AMZ1: variants seen among roughly 807,000 people sequenced by gnomAD.
AMZ1 encodes the protein archaelysin family metallopeptidase 1.
A neutral mutation model predicts 29.9 loss-of-function variants in AMZ1; 39 were observed. The ratio of observed to expected loss-of-function variants is 1.30; its 90% CI spans 1.01 to 1.70. AMZ1 has a LOEUF of 1.70. Ranked by LOEUF, AMZ1 falls within the 40% of genes most tolerant of loss-of-function variation. The pLI is 0.00. For missense variants in AMZ1, 1,041 were observed against 680.6 expected (o/e 1.53, Z -5.89); for synonymous variants, 458 against 304.0 (o/e 1.51, Z -5.27).
At chr7:2,753,391 T>TCCTCCTGCTTTGG (rs59648923) in intron 4 of AMZ1, among the ~76,000 whole-genome samples, 86,947 of 151,844 alleles carry the variant, frequency 0.57, 25,173 homozygotes, top group Admixed American at 0.63. Context: ...GCTCAAGCCA[T>TCCTCCTGCTTTGG]CCTCCCAAAG....
chr7:2,708,194 T>C (rs1788483700), intron 3 of AMZ1, among the ~76,000 whole-genome samples: 1 of 152,128 alleles, frequency 6.6e-6, no homozygotes, highest in Admixed American at 6.5e-5. Flanking sequence ...CCCAAGATCT[T>C]TAATCATCTG....
chr7:2,715,896 GAC>G lies in AMZ1; in HGVS notation c.*3024_*3025del, dbSNP rs1789094652. ...TAAATTTAGAGATGATGGTTTCCAAGACACACAGGGCCACGGTTCTTTCAGTT... is the reference window on the plus strand; with the variant it reads ...TAAATTTAGAGATGATGGTTTCCAAGACACAGGGCCACGGTTCTTTCAGTT... On this transcript the variant is annotated 3_prime_UTR_variant, in exon 7 of 7. Coordinates refer to ENST00000683327, the MANE Select transcript of AMZ1 (RefSeq NM_001384743.1). 6.9e-6 allele frequency: 1 copy of G among 144,642 alleles called. No homozygotes were observed. The highest frequency in any genetic ancestry group is 2.7e-5 in the African/African-American group (1 of 37,440). 9.0% of individuals were successfully genotyped at this position (144,642 alleles called of 1,614,324 possible).
At chr7:2,743,899 C>A (rs1715609807) in intron 4 of AMZ1, among the ~76,000 whole-genome samples, 1 of 152,004 alleles carries the variant, frequency 6.6e-6, no homozygotes, top group South Asian at 2.1e-4. Context: ...GAGGGTCCTA[C>A]ACCCAAGGAG....
At chr7:2,722,418 G>A (rs968267718), downstream of AMZ1, among the ~76,000 whole-genome samples, 1 of 151,928 alleles carries the variant, frequency 6.6e-6, no homozygotes, top group South Asian at 2.1e-4. Flanking sequence ...GACTACAGGC[G>A]CCCGCCACCA....
chr7:2,734,339 A>G (rs571721458), intron 4 of AMZ1, among the ~76,000 whole-genome samples: 11 of 152,250 alleles, frequency 7.2e-5, no homozygotes, highest in Admixed American at 5.9e-4. Flanking sequence ...CACTTTCTAT[A>G]AGATTCCACT....
chr7:2,757,943 A>T (rs1791382048), intron 4 of AMZ1, among the ~76,000 whole-genome samples: 1 of 152,178 alleles, frequency 6.6e-6, no homozygotes, highest in Non-Finnish European at 1.5e-5. Flanking sequence ...AATAGCAATA[A>T]TAAGGAATGA....
At chr7:2,729,463 C>A (rs919286238) in intron 4 of AMZ1, 1 of 152,470 alleles carries the variant, frequency 6.6e-6, no homozygotes, top group African/African-American at 2.4e-5. Context: ...AGCCACAAGC[C>A]CAGCAAACAC....
At chr7:2,710,495 C>G (rs10229934) in intron 6 of AMZ1, among the ~76,000 whole-genome samples, 1 of 152,048 alleles carries the variant, frequency 6.6e-6, no homozygotes, top group Admixed American at 6.5e-5. Flanking sequence ...ATCCTCCTCC[C>G]GCCCGTTGAG....
Position 2,702,902 on chromosome 7 carries a change from G to A in AMZ1, c.472+13G>A, listed in dbSNP as rs777924880. On this transcript the variant is annotated intron_variant, in intron 3 of 6. Transcript: ENST00000683327. ...CAGCTCCACACAGGTGAGTGAGGAC[G>A]GCAGCCGCCGCTCAGGCCAAGGCAG... 3.4e-5 allele frequency: 53 copies of A among 1,571,392 alleles called. No individual in the cohort carries two copies. Among genetic ancestry groups the A allele is most frequent in the East Asian group, 7.0e-5 (3 of 42,870 alleles).
rs566843961 is a variant in AMZ1 at position 2,701,720 on chromosome 7, A to T, written c.304+965A>T. On this transcript the variant is annotated intron_variant, in intron 2 of 6. Transcript: ENST00000683327. ...TGACCAGCGCACCACGCCTTTCGGC[A>T]TCTCGACAGCAAGCCAGAACAGGGC... Among the ~76,000 whole-genome samples, 67 of 152,276 alleles carry T rather than the reference A, an allele frequency of 4.4e-4. 1 individual carries two copies. Among genetic ancestry groups the T allele is most frequent in the African/African-American group, 1.6e-3 (67 of 41,518 alleles).
At chr7:2,764,619 T>G (rs1282583758) in exon 1 of AMZ1, 2 of 152,284 alleles carry the variant, frequency 1.3e-5, no homozygotes, top group Non-Finnish European at 2.9e-5. Context: ...AGCCAGGGCC[T>G]GTCAGCTGGT....
chr7:2,708,606 T>G lies in AMZ1; in HGVS notation c.491T>G (p.Leu164Trp). Residue 164 changes from leucine to tryptophan, a missense_variant, in exon 4 of 7, where the codon TTG (leucine) becomes TGG (tryptophan). Physicochemically the swap from Leu to Trp is moderately conservative, Grantham distance 61 (BLOSUM62 -2). Coordinates refer to ENST00000683327, the MANE Select transcript of AMZ1 (RefSeq NM_001384743.1). ...CCCGCAGACGGCATCCTGTCCTTCT[T>G]GAAGAACAACAAGCCAGGGGACGCG... ...QLHTDGILSF[L>W]KNNKPGDALC... The G allele has an allele frequency of 6.2e-7, 1 of 1,612,888 alleles. No homozygotes were observed. The highest frequency in any genetic ancestry group is 1.1e-5 in the South Asian group (1 of 91,086).
At chr7:2,761,916 G>A (rs893077656), upstream of AMZ1, among the ~76,000 whole-genome samples, 1 of 152,126 alleles carries the variant, frequency 6.6e-6, no homozygotes, top group East Asian at 1.9e-4. Context: ...TCGTATCCAC[G>A]GAATGTCCAA....
intron 1 of AMZ1, among the ~76,000 whole-genome samples, chr7:2,679,859 G>A (rs1786821429): frequency 6.6e-6 from 1 of 152,200 alleles, no homozygotes; most frequent in South Asian, 2.1e-4. Flanking sequence ...GGTGGCGAGG[G>A]GCCATAGCCC....
At chr7:2,761,908 G>A (rs798490), upstream of AMZ1, among the ~76,000 whole-genome samples, 35,985 of 152,002 alleles carry the variant, frequency 0.24, 4,942 homozygotes, top group Non-Finnish European at 0.29. Flanking sequence ...CCCATCTGTC[G>A]TATCCACGGA....
chr7:2,724,491 G>C (rs1368883667), downstream of AMZ1, among the ~76,000 whole-genome samples: 1 of 152,214 alleles, frequency 6.6e-6, no homozygotes, highest in Non-Finnish European at 1.5e-5. Context: ...GACCAGGCAA[G>C]AGACGGGAAG....
chr7:2,753,482 C>T (rs1415295896), intron 4 of AMZ1, among the ~76,000 whole-genome samples: 3 of 152,174 alleles, frequency 2.0e-5, no homozygotes, highest in African/African-American at 4.8e-5. Flanking sequence ...AACATAATGT[C>T]CTTGGGATCT....
At chr7:2,682,071 G>T (rs1786901565) in intron 1 of AMZ1, among the ~76,000 whole-genome samples, 1 of 152,188 alleles carries the variant, frequency 6.6e-6, no homozygotes, top group African/African-American at 2.4e-5. Flanking sequence ...GCTCTCTGGA[G>T]GGAACAAGGG....
intron 1 of AMZ1, among the ~76,000 whole-genome samples, chr7:2,682,553 C>A (rs549794698): frequency 6.6e-5 from 10 of 152,188 alleles, no homozygotes; most frequent in African/African-American, 2.4e-4. Flanking sequence ...CCCCAAGTCC[C>A]GCAGGCAGTG....
Sources: gnomAD v4.1 joint callset for allele counts (sites outside exome capture counted in the v4.1 genomes callset) on GRCh38, gnomAD v4.1.1 for gene constraint, MANE v1.5 for transcripts, NCBI Gene and HGNC (gene_info 2026-07-23, HGNC 2026-07-21) for gene names.